Variants in DPP10 observed in about 807,000 individuals in gnomAD.
DPP10 encodes inactive dipeptidyl peptidase 10.
Under a neutral mutation model 120.9 loss-of-function variants are expected in DPP10, and 33 were observed. The ratio of observed to expected loss-of-function variants is 0.27; its 90% confidence interval spans 0.21 to 0.37. The LOEUF (loss-of-function observed/expected upper bound fraction) is 0.37, where lower values mean the gene tolerates loss of function less well. Ranked by LOEUF, DPP10 falls within the 10% of genes least tolerant of loss-of-function variation. The probability of loss-of-function intolerance (pLI) is 1.00; values close to 1 mark genes in which losing one functional copy is unlikely to be tolerated. For missense variants in DPP10, 816 were observed against 942.8 expected (o/e 0.87, Z 1.76); for synonymous variants, 337 against 326.1 (o/e 1.03, Z -0.36).
At chr2:114,998,019 CA>C (rs1458478616) in intron 1 of DPP10, among the ~76,000 whole-genome samples, 1 of 152,136 alleles carries the variant, frequency 6.6e-6, no homozygotes, top group Admixed American at 6.5e-5. Context: ...ACTGTCTCCA[CA>C]AACCATGTGG....
intron 1 of DPP10, among the ~76,000 whole-genome samples, chr2:114,485,367 TGTTAA>T (rs1681417691): frequency 6.6e-6 from 1 of 151,922 alleles, no homozygotes; most frequent in African/African-American, 2.4e-5. Flanking sequence ...GACTGGTTAA[TGTTAA>T]GTTAATTTTT....
At chr2:115,415,214 G>T (rs1395673778) in intron 3 of DPP10, among the ~76,000 whole-genome samples, 1 of 151,970 alleles carries the variant, frequency 6.6e-6, no homozygotes, top group African/African-American at 2.4e-5. Flanking sequence ...GTATCATTCT[G>T]TCTCAGCACC....
chr2:115,611,374 G>T (rs1376640026), intron 5 of DPP10, among the ~76,000 whole-genome samples: 2 of 152,118 alleles, frequency 1.3e-5, no homozygotes, highest in African/African-American at 2.4e-5. Flanking sequence ...TATTAGAGAA[G>T]CACACTCTAG....
intron 1 of DPP10, among the ~76,000 whole-genome samples, chr2:114,638,572 G>C (rs1695474530): frequency 6.6e-6 from 1 of 151,840 alleles, no homozygotes. Context: ...GAACCACAGT[G>C]TGATACCATC....
chr2:115,668,880 A>G (rs1057496130), intron 5 of DPP10, among the ~76,000 whole-genome samples: 4 of 152,266 alleles, frequency 2.6e-5, no homozygotes, highest in Admixed American at 2.6e-4. Context: ...GTAGGAAAGT[A>G]TGTCATGAGT....
At chr2:115,695,121 A>C (rs2149513575) in intron 7 of DPP10, among the ~76,000 whole-genome samples, 1 of 152,288 alleles carries the variant, frequency 6.6e-6, no homozygotes, top group Non-Finnish European at 1.5e-5. Flanking sequence ...TCAGCCATTA[A>C]AAATTAAGAT....
chr2:114,598,024 C>T (rs1456343490), intron 1 of DPP10, among the ~76,000 whole-genome samples: 1 of 151,898 alleles, frequency 6.6e-6, no homozygotes, highest in Non-Finnish European at 1.5e-5. Flanking sequence ...TGTTGCTCTG[C>T]TCTTCCAAAG....
chr2:115,303,253 A>C (rs1432162544), intron 1 of DPP10, among the ~76,000 whole-genome samples: 1 of 151,956 alleles, frequency 6.6e-6, no homozygotes, highest in Non-Finnish European at 1.5e-5. Context: ...AAATATTTTA[A>C]ATAGTGCAAA....
intron 1 of DPP10, among the ~76,000 whole-genome samples, chr2:114,489,147 A>G (rs973892910): frequency 3.3e-5 from 5 of 152,202 alleles, no homozygotes; most frequent in African/African-American, 1.2e-4. Context: ...GTGAAATGTC[A>G]TCCATGCCCG....
intron 5 of DPP10, among the ~76,000 whole-genome samples, chr2:115,537,108 G>T (rs2078897550): frequency 6.6e-6 from 1 of 151,974 alleles, no homozygotes; most frequent in South Asian, 2.1e-4. Flanking sequence ...ATTTTAAACT[G>T]CAAGATGCAG....
At chr2:115,288,919 A>G (rs1287558754) in intron 1 of DPP10, among the ~76,000 whole-genome samples, 1 of 152,172 alleles carries the variant, frequency 6.6e-6, no homozygotes, top group African/African-American at 2.4e-5. Context: ...CTTCTATTCA[A>G]CACAGTACTG....
intron 1 of DPP10, among the ~76,000 whole-genome samples, chr2:115,205,309 T>C (rs1288614669): frequency 6.6e-6 from 1 of 152,210 alleles, no homozygotes; most frequent in African/African-American, 2.4e-5. Context: ...CTTCTGCATA[T>C]GGTTAGCCAG....
At chr2:114,574,872 C>G (rs942805854) in intron 1 of DPP10, among the ~76,000 whole-genome samples, 5 of 152,072 alleles carry the variant, frequency 3.3e-5, no homozygotes, top group Non-Finnish European at 5.9e-5. Context: ...TCCATGAGTC[C>G]ATTGGGCAGG....
chr2:115,331,253 G>A (rs2062711760), intron 2 of DPP10, among the ~76,000 whole-genome samples: 1 of 152,142 alleles, frequency 6.6e-6, no homozygotes, highest in African/African-American at 2.4e-5. Flanking sequence ...GAATGCTTGT[G>A]ATTTTTGCAC....
At chr2:115,712,565 T>TATATATATATATATATATATATAG in intron 7 of DPP10, among the ~76,000 whole-genome samples, 1 of 125,094 alleles carries the variant, frequency 8.0e-6, no homozygotes, top group Non-Finnish European at 1.7e-5. Context: ...TATATATATA[T>TATATATATATATATATATATATAG]AAAGAAACTG....
chr2:115,736,766 A>G (rs1477850676), intron 8 of DPP10, among the ~76,000 whole-genome samples: 1 of 152,138 alleles, frequency 6.6e-6, no homozygotes, highest in Non-Finnish European at 1.5e-5. Context: ...GGCCACTACC[A>G]TTGGCAGGTA....
Position 114,925,876 on chromosome 2 carries a change from C to T in DPP10, c.61-383363C>T, listed in dbSNP as rs75955799. Reference sequence around the variant, plus strand: ...GGCCAAACGGTAAAAGGAAAGAAGCCTATCCTTGGCAATTATTCAAGCAGA... The same window carrying T: ...GGCCAAACGGTAAAAGGAAAGAAGCTTATCCTTGGCAATTATTCAAGCAGA... On this transcript the variant is annotated intron_variant, in intron 1 of 25. Coordinates refer to ENST00000410059, the MANE Select transcript of DPP10 (RefSeq NM_020868.6). 9.5e-3 allele frequency among the ~76,000 whole-genome samples: 1,449 copies of T among 152,202 alleles called. 27 individuals are homozygous for T. The highest frequency in any genetic ancestry group is 0.033 in the African/African-American group (1,380 of 41,518).
intron 1 of DPP10, among the ~76,000 whole-genome samples, chr2:114,636,685 G>GT (rs1695327276): frequency 2.6e-5 from 4 of 151,916 alleles, no homozygotes; most frequent in Admixed American, 1.3e-4. Context: ...AGGTGGCTCT[G>GT]TTTCTGCTAC....
intron 3 of DPP10, among the ~76,000 whole-genome samples, chr2:115,346,292 G>A (rs1325370831): frequency 6.6e-6 from 1 of 152,112 alleles, no homozygotes; most frequent in African/African-American, 2.4e-5. Context: ...ATTCTCAAGT[G>A]ATATCTCAAC....
Sources: gnomAD v4.1 joint callset for allele counts (sites outside exome capture counted in the v4.1 genomes callset) on GRCh38, gnomAD v4.1.1 for gene constraint, MANE v1.5 for transcripts, NCBI Gene and HGNC (gene_info 2026-07-23, HGNC 2026-07-21) for gene names.